Variants in GDPD1 observed in about 807,000 individuals in gnomAD.
GDPD1 encodes glycerophosphodiester phosphodiesterase domain containing 1, also known as lysophospholipase D GDPD1.
In GDPD1, 28 loss-of-function variants were observed where a neutral mutation model predicts 45.1. The ratio of observed to expected loss-of-function variants is 0.62; its 90% CI spans 0.46 to 0.85. The LOEUF (loss-of-function observed/expected upper bound fraction) is 0.85. Ranked by LOEUF, GDPD1 falls within the 40% of genes least tolerant of loss-of-function variation. GDPD1 has a pLI of 0.00. For missense variants in GDPD1, 256 were observed against 364.8 expected, an observed-to-expected ratio of 0.70 and a Z score of 2.43; for synonymous variants, 139 against 131.4, an observed-to-expected ratio of 1.06 and a Z score of -0.40.
In GDPD1 at chr17:59,252,688, A is replaced by C. The variant is rs563751125; in HGVS notation, c.367+3903A>C. ...ACTCCAGCCTGGGCAACAGAGCGAG[A>C]CTGTCTCAAAAAAAAAAATACGCTG... is the stretch of plus-strand genomic sequence containing the variant. On this transcript the variant is annotated intron_variant, in intron 4 of 9. Transcript: ENST00000284116. Among the ~76,000 whole-genome samples, 9 of 151,224 alleles carry C rather than the reference A, an allele frequency of 6.0e-5. No individual in the cohort carries two copies. The East Asian group carries it at 1.8e-3, about 30-fold the overall frequency.
intron 1 of GDPD1, 104 bp from the exon 2 acceptor site, chr17:59,234,387 CA>C (rs930872669): frequency 0.025 from 14,172 of 562,370 alleles, no homozygotes; most frequent in East Asian, 0.045. Context: ...TGTCTACCCC[CA>C]AAAAAAAAAA....
chr17:59,226,521 A>G (rs780086645), intron 1 of GDPD1, among the ~76,000 whole-genome samples: 22 of 152,214 alleles, frequency 1.4e-4, no homozygotes, highest in Non-Finnish European at 2.6e-4. Flanking sequence ...TTGTTTCTGC[A>G]TATCTTGTAT....
intron 2 of GDPD1, among the ~76,000 whole-genome samples, chr17:59,242,302 A>AT (rs1466236857): frequency 1.3e-5 from 2 of 152,220 alleles, no homozygotes; most frequent in South Asian, 2.1e-4. Flanking sequence ...ACCTCAGTTG[A>AT]TTCGCCTGCC....
intron 1 of GDPD1, among the ~76,000 whole-genome samples, chr17:59,229,476 C>T (rs1013294247): frequency 8.6e-5 from 13 of 151,824 alleles, no homozygotes; most frequent in Non-Finnish European, 1.8e-4. Flanking sequence ...CTGCCCGCCT[C>T]GGCCTCCCAA....
At position 59,255,758 on chromosome 17, in the gene GDPD1, AAAAAATATAT is replaced by A. The variant is rs1378110938; in HGVS notation, c.368-1362_368-1353del. On this transcript the variant is annotated intron_variant, in intron 4 of 9. Coordinates refer to ENST00000284116, the MANE Select transcript of GDPD1 (RefSeq NM_182569.4). ...AACTCCGTCTCAAAAAAAAAAAAAA[AAAAAATATAT>A]ATATATATATATATATACGCGTATA... 1.2e-3 allele frequency among the ~76,000 whole-genome samples: 93 copies of A among 76,570 alleles called. 4 individuals are homozygous for A. The East Asian group carries it at 0.017, about 14-fold the overall frequency. 50.2% of individuals were successfully genotyped at this position (76,570 alleles called of 152,430 possible). A position where few individuals can be genotyped will look rare whatever the true frequency, so the allele number is the denominator to read the frequency against.
At chr17:59,227,498 A>G (rs557049214) in intron 1 of GDPD1, among the ~76,000 whole-genome samples, 1 of 152,272 alleles carries the variant, frequency 6.6e-6, no homozygotes, top group Non-Finnish European at 1.5e-5. Flanking sequence ...AATATTAGAC[A>G]ATATTTTATA....
Position 59,273,724 on chromosome 17 carries a change from C to T in GDPD1, c.896C>T (p.Thr299Ile), listed in dbSNP as rs1348277138. ...AFDLGATGVM[T>I]DYPTKLRDFL... ...GATTTGGGAGCAACTGGGGTGATGA[C>T]AGACTATCCAACAAAGCTTAGGGAT... is the stretch of plus-strand genomic sequence containing the variant. The change falls in exon 10 of 10, where the codon ACA becomes ATA. Residue 299 changes from threonine to isoleucine, a missense_variant. Coordinates refer to ENST00000284116, the MANE Select transcript of GDPD1 (RefSeq NM_182569.4). 1.3e-6 allele frequency: 2 copies of T among 1,593,000 alleles called. No homozygotes were observed. Among genetic ancestry groups the T allele is most frequent in the Admixed American group, 1.7e-5 (1 of 58,180 alleles).
At chr17:59,241,287 A>C (rs1183720766) in intron 2 of GDPD1, among the ~76,000 whole-genome samples, 2 of 152,224 alleles carry the variant, frequency 1.3e-5, no homozygotes, top group East Asian at 3.8e-4. Context: ...ATTCACAGAT[A>C]AAATAAGAAT....
At chr17:59,266,956 CTT>C in intron 6 of GDPD1, 83 bp from the exon 7 acceptor site, 1 of 1,126,626 alleles carries the variant, frequency 8.9e-7, no homozygotes, top group South Asian at 1.4e-5. Context: ...AACACATTGT[CTT>C]GGGAAATACT....
At chr17:59,266,128 T>G (rs919591557) in intron 6 of GDPD1, among the ~76,000 whole-genome samples, 6 of 152,038 alleles carry the variant, frequency 3.9e-5, no homozygotes, top group Non-Finnish European at 5.9e-5. Flanking sequence ...GGCTCACACT[T>G]GTAATCCCAA....
chr17:59,236,572 G>A (rs554155256), intron 2 of GDPD1, among the ~76,000 whole-genome samples: 3 of 152,036 alleles, frequency 2.0e-5, no homozygotes, highest in East Asian at 1.9e-4. Context: ...CTCAGCTCAC[G>A]GCAATCTCCA....
rs551732636 is a variant in GDPD1 at position 59,243,125 on chromosome 17, G to T, written c.186-2289G>T. On this transcript the variant is annotated intron_variant, in intron 2 of 9. Transcript: ENST00000284116. The stretch of plus-strand genomic sequence containing the variant: ...AATTGCTTGAACCTGGAAGGCAGAG[G>T]TTGCATTGACCCAAGATCACGCCAC... 3.1e-4 allele frequency among the ~76,000 whole-genome samples: 47 copies of T among 152,196 alleles called. 1 individual carries two copies. In the South Asian group the frequency reaches 9.7e-3, roughly 32 times the overall value.
intron 7 of GDPD1, among the ~76,000 whole-genome samples, chr17:59,270,417 TG>T (rs1430018212): frequency 2.0e-5 from 3 of 152,002 alleles, no homozygotes. Context: ...CAGGCTGGTC[TG>T]GAACTTCTGA....
Position 59,274,167 on chromosome 17 carries a change from G to T in GDPD1, c.*394G>T, listed in dbSNP as rs2047463537. On this transcript the variant is annotated 3_prime_UTR_variant, in exon 10 of 10. Coordinates refer to ENST00000284116, the MANE Select transcript of GDPD1 (RefSeq NM_182569.4). ...TAGGTTATTGATCAAGATTTCTGTAGATGATGCAGTGTTCTATCATAAGTA... is the reference window on the plus strand; with the variant it reads ...TAGGTTATTGATCAAGATTTCTGTATATGATGCAGTGTTCTATCATAAGTA... 1 of 963,682 alleles carries T rather than the reference G, an allele frequency of 1.0e-6. No homozygotes were observed. Among genetic ancestry groups the T allele is most frequent in the Admixed American group, 6.2e-5 (1 of 16,072 alleles). 59.7% of individuals were successfully genotyped at this position (963,682 alleles called of 1,614,324 possible). A position where few individuals can be genotyped will look rare whatever the true frequency, so the allele number is the denominator to read the frequency against.
chr17:59,263,051 G>T (rs2047369981), intron 6 of GDPD1, among the ~76,000 whole-genome samples: 1 of 152,166 alleles, frequency 6.6e-6, no homozygotes, highest in African/African-American at 2.4e-5. Flanking sequence ...AATAAATTAT[G>T]TAGTCTAATG....
At chr17:59,257,399 T>C (rs754919843) in intron 5 of GDPD1, among the ~76,000 whole-genome samples, 159 bp downstream of exon 5, 11 of 152,208 alleles carry the variant, frequency 7.2e-5, no homozygotes, top group Non-Finnish European at 1.2e-4. Flanking sequence ...GAGATCATTT[T>C]ACTGTAGGAG....
At chr17:59,254,333 C>T (rs1016052795) in intron 4 of GDPD1, among the ~76,000 whole-genome samples, 4 of 149,460 alleles carry the variant, frequency 2.7e-5, no homozygotes, top group African/African-American at 1.0e-4. Context: ...TGCACTGCAG[C>T]CTGGGTGACA....
chr17:59,226,695 G>A (rs1568337075), intron 1 of GDPD1, among the ~76,000 whole-genome samples: 1 of 152,020 alleles, frequency 6.6e-6, no homozygotes, highest in Non-Finnish European at 1.5e-5. Flanking sequence ...GTGTGTGTGT[G>A]ATGGAGTTTT....
intron 6 of GDPD1, 112 bp from the exon 7 acceptor site, chr17:59,266,929 T>C: frequency 1.2e-6 from 1 of 851,648 alleles, no homozygotes; most frequent in Non-Finnish European, 1.9e-6. Context: ...ATCCCAGGAA[T>C]GCTTGTAATA....
Sources: allele counts gnomAD v4.1 joint callset (sites outside exome capture counted in the v4.1 genomes callset), GRCh38; gene constraint gnomAD v4.1.1; transcripts MANE v1.5; gene names NCBI Gene and HGNC (gene_info 2026-07-23, HGNC 2026-07-21).